Variants in TENM2 observed in about 807,000 individuals in gnomAD.
TENM2 encodes the protein teneurin transmembrane protein 2.
A neutral mutation model predicts 245.2 loss-of-function variants in TENM2; 52 were observed. The ratio of observed to expected loss-of-function variants is 0.21; its 90% CI spans 0.17 to 0.27. The LOEUF (loss-of-function observed/expected upper bound fraction) is 0.27, where lower values mean the gene tolerates loss of function less well. TENM2 is among the 10% of genes least tolerant of loss of function. TENM2 has a pLI of 1.00. For synonymous variants in TENM2, 1,363 were observed against 1,438.9 expected (o/e 0.95, Z 1.19); for missense variants, 3,046 against 3,666.8 (o/e 0.83, Z 4.37).
At chr5:168,047,188 C>T (rs527709446) in intron 5 of TENM2, among the ~76,000 whole-genome samples, 18 of 152,202 alleles carry the variant, frequency 1.2e-4, no homozygotes, top group South Asian at 6.2e-4. Context: ...CTCCCTCCTC[C>T]GCTCACTGTA....
intron 2 of TENM2, among the ~76,000 whole-genome samples, chr5:167,433,179 C>T (rs1256730572): frequency 6.6e-6 from 1 of 151,456 alleles, no homozygotes; most frequent in Non-Finnish European, 1.5e-5. Flanking sequence ...AGTTTATTAA[C>T]AGCAGGTAAT....
chr5:167,676,819 T>C (rs1170650283), intron 2 of TENM2, among the ~76,000 whole-genome samples: 1 of 152,160 alleles, frequency 6.6e-6, no homozygotes, highest in African/African-American at 2.4e-5. Context: ...TTTCCCTCAC[T>C]TTCAAAACGC....
chr5:167,801,461 A>G (rs1765766144), intron 2 of TENM2, among the ~76,000 whole-genome samples: 1 of 152,120 alleles, frequency 6.6e-6, no homozygotes, highest in African/African-American at 2.4e-5. Context: ...GATAAATACA[A>G]TGGACAAGAT....
intron 1 of TENM2, among the ~76,000 whole-genome samples, chr5:167,334,155 A>G (rs1373262643): frequency 6.6e-6 from 1 of 152,170 alleles, no homozygotes; most frequent in Non-Finnish European, 1.5e-5. Flanking sequence ...TCATTATTCC[A>G]ATTTTGACAA....
intron 10 of TENM2, 50 bp from the exon 13 acceptor site, chr5:168,124,800 A>G (rs1393364813): frequency 1.3e-6 from 2 of 1,523,416 alleles, no homozygotes; most frequent in Admixed American, 1.9e-5. Context: ...TCCATCCTCC[A>G]TGGGTGATTA....
chr5:167,930,830 A>G (rs1156644727), intron 3 of TENM2, among the ~76,000 whole-genome samples: 3 of 152,142 alleles, frequency 2.0e-5, no homozygotes. Flanking sequence ...AAATGCATTA[A>G]ATGACATTTA....
At chr5:167,871,630 A>G (rs958293853) in intron 2 of TENM2, among the ~76,000 whole-genome samples, 1 of 152,220 alleles carries the variant, frequency 6.6e-6, no homozygotes, top group African/African-American at 2.4e-5. Context: ...TGAAAAAGAC[A>G]TATTGCTGCC....
chr5:167,023,213 C>T, the TENM2 span, among the ~76,000 whole-genome samples: 4 of 152,162 alleles, frequency 2.6e-5, no homozygotes, highest in African/African-American at 7.2e-5. Context: ...ACTTGCATTC[C>T]CTTGCAACTA....
At chr5:167,638,404 G>T (rs1189354407) in intron 2 of TENM2, among the ~76,000 whole-genome samples, 1 of 152,126 alleles carries the variant, frequency 6.6e-6, no homozygotes, top group Non-Finnish European at 1.5e-5. Flanking sequence ...AAATTAGACT[G>T]AGATCAAAAT....
intron 2 of TENM2, among the ~76,000 whole-genome samples, chr5:167,484,949 A>G (rs977815196): frequency 6.6e-6 from 1 of 152,236 alleles, no homozygotes; most frequent in East Asian, 1.9e-4. Context: ...ATTACATTAC[A>G]TACACTCCAT....
chr5:167,350,942 G>A lies in TENM2; in HGVS notation c.227-24256G>A, dbSNP rs1440829963. Among the ~76,000 whole-genome samples, 8 of 76,218 alleles carry A rather than the reference G, an allele frequency of 1.0e-4. 1 individual carries two copies. The highest frequency in any genetic ancestry group is 2.0e-4 in the Non-Finnish European group (7 of 35,102). 50.0% of individuals were successfully genotyped at this position (76,218 alleles called of 152,430 possible). A position where few individuals can be genotyped will look rare whatever the true frequency, so the allele number is the denominator to read the frequency against. ...TATATACATATGGATATATATATGGGATATATACATATGGATATATATATG... is the reference window on the plus strand; with the variant it reads ...TATATACATATGGATATATATATGGAATATATACATATGGATATATATATG... On this transcript the variant is annotated intron_variant, in intron 1 of 28. Coordinates refer to ENST00000518659, the Ensembl canonical transcript of TENM2.
intron 13 of TENM2, among the ~76,000 whole-genome samples, chr5:168,185,663 A>C (rs1760321741): frequency 6.6e-6 from 1 of 151,966 alleles, no homozygotes; most frequent in Non-Finnish European, 1.5e-5. Context: ...AAAAAAATGT[A>C]AATTCTGCTC....
intron 2 of TENM2, among the ~76,000 whole-genome samples, chr5:167,377,540 CA>C: frequency 6.6e-6 from 1 of 152,140 alleles, no homozygotes; most frequent in African/African-American, 2.4e-5. Flanking sequence ...TTTACATATT[CA>C]AAAGAGGTAC....
chr5:167,353,715 G>A (rs940395495), intron 1 of TENM2, among the ~76,000 whole-genome samples: 1 of 151,670 alleles, frequency 6.6e-6, no homozygotes, highest in African/African-American at 2.4e-5. Context: ...CACCGTTTTA[G>A]CCGGGATGGT....
chr5:167,545,253 G>A (rs1772478972), intron 2 of TENM2, among the ~76,000 whole-genome samples: 1 of 152,146 alleles, frequency 6.6e-6, no homozygotes, highest in South Asian at 2.1e-4. Flanking sequence ...GGTGACATAT[G>A]TAACACTACC....
chr5:167,959,331 A>C (rs1404639653), intron 4 of TENM2, among the ~76,000 whole-genome samples: 3 of 151,984 alleles, frequency 2.0e-5, no homozygotes, highest in Non-Finnish European at 4.4e-5. Flanking sequence ...AGCAGCTGGG[A>C]CTACAGGCGC....
At chr5:167,368,124 A>T (rs1760174988) in intron 1 of TENM2, among the ~76,000 whole-genome samples, 1 of 152,198 alleles carries the variant, frequency 6.6e-6, no homozygotes, top group Admixed American at 6.5e-5. Flanking sequence ...CAAATGTTTC[A>T]AATTAAATAG....
At chr5:168,102,577 G>A (rs1345348350) in intron 9 of TENM2, among the ~76,000 whole-genome samples, 1 of 152,148 alleles carries the variant, frequency 6.6e-6, no homozygotes, top group African/African-American at 2.4e-5. Context: ...CTGGCGTCTG[G>A]AGAGACTCAA....
the TENM2 span, among the ~76,000 whole-genome samples, chr5:167,083,525 G>GAATT: frequency 6.6e-6 from 1 of 152,130 alleles, no homozygotes; most frequent in African/African-American, 2.4e-5. Context: ...TAGGAAAAGG[G>GAATT]AATTAATTCT....
Sources: gnomAD v4.1 joint callset for allele counts (sites outside exome capture counted in the v4.1 genomes callset) on GRCh38, gnomAD v4.1.1 for gene constraint, MANE v1.5 for transcripts, NCBI Gene and HGNC (gene_info 2026-07-23, HGNC 2026-07-21) for gene names.